CDH6: variants seen among roughly 807,000 people sequenced by gnomAD.
CDH6 encodes the protein cadherin-6.
A neutral mutation model predicts 78.0 loss-of-function variants in CDH6; 31 were observed. The observed-to-expected ratio is 0.40, with a 90% confidence interval of 0.30 to 0.54. The LOEUF (loss-of-function observed/expected upper bound fraction) is 0.54. Ranked by LOEUF, CDH6 falls within the 20% of genes least tolerant of loss-of-function variation. CDH6 has a pLI of 0.56. For missense variants in CDH6, 724 were observed against 975.9 expected, an observed-to-expected ratio of 0.74 and a Z score of 3.44; for synonymous variants, 376 against 368.8, an observed-to-expected ratio of 1.02 and a Z score of -0.23.
chr5:31,273,305 G>A (rs1742583868), intron 2 of CDH6, among the ~76,000 whole-genome samples: 1 of 152,122 alleles, frequency 6.6e-6, no homozygotes, highest in Admixed American at 6.6e-5. Flanking sequence ...TTCCATGCGT[G>A]ATTCAGCGAG....
intron 2 of CDH6, among the ~76,000 whole-genome samples, chr5:31,272,801 A>T (rs58520378): frequency 6.6e-6 from 1 of 152,018 alleles, no homozygotes; most frequent in Non-Finnish European, 1.5e-5. Context: ...CATGCCAGGA[A>T]ATCTGTTTTT....
At chr5:31,214,913 GT>G (rs1244089438) in intron 1 of CDH6, among the ~76,000 whole-genome samples, 1 of 152,090 alleles carries the variant, frequency 6.6e-6, no homozygotes, top group South Asian at 2.1e-4. Context: ...CGATTTTACT[GT>G]TTTTTTATCT....
chr5:31,249,486 G>C (rs1360023009), intron 1 of CDH6: 1 of 152,346 alleles, frequency 6.6e-6, no homozygotes, highest in African/African-American at 2.4e-5. Context: ...TACAAGGAGA[G>C]TTTCCCCATG....
intron 1 of CDH6, among the ~76,000 whole-genome samples, chr5:31,259,245 G>T (rs1029691013): frequency 6.6e-6 from 1 of 152,164 alleles, no homozygotes; most frequent in Non-Finnish European, 1.5e-5. Flanking sequence ...CTTTATGCAA[G>T]TATTAGCCTC....
At chr5:31,318,199 T>A in intron 11 of CDH6, 1 of 594,368 alleles carries the variant, frequency 1.7e-6, no homozygotes, top group African/African-American at 1.9e-5. Flanking sequence ...CTCGGGGGAT[T>A]TCAGGGCAAC....
At chr5:31,214,093 A>AG (rs1481440341) in intron 1 of CDH6, among the ~76,000 whole-genome samples, 9 of 145,704 alleles carry the variant, frequency 6.2e-5, no homozygotes, top group Non-Finnish European at 1.3e-4. Context: ...GATTTACCAG[A>AG]GGGGGCCTTG....
intron 1 of CDH6, among the ~76,000 whole-genome samples, chr5:31,248,120 C>T (rs2149922963): frequency 6.6e-6 from 1 of 152,252 alleles, no homozygotes; most frequent in East Asian, 1.9e-4. Flanking sequence ...TAAGCAATTA[C>T]ACTATCCACT....
chr5:31,282,780 T>C (rs887049794), intron 2 of CDH6, among the ~76,000 whole-genome samples: 1 of 152,230 alleles, frequency 6.6e-6, no homozygotes, highest in African/African-American at 2.4e-5. Flanking sequence ...AAATTTCTGC[T>C]GTGTTTAGGC....
chr5:31,269,532 T>A (rs1409261108), intron 2 of CDH6, among the ~76,000 whole-genome samples: 1 of 152,056 alleles, frequency 6.6e-6, no homozygotes, highest in Non-Finnish European at 1.5e-5. Context: ...CCTGGTGGAG[T>A]TGCAGTAAAG....
intron 1 of CDH6, among the ~76,000 whole-genome samples, chr5:31,210,098 G>GTGTGTGTGTGTT (rs925049656): frequency 2.6e-5 from 4 of 151,886 alleles, no homozygotes; most frequent in African/African-American, 9.7e-5. Context: ...GTGTGTGTGT[G>GTGTGTGTGTGTT]TGTGTGTGTG....
At chr5:31,195,815 A>C (rs532934446) in intron 1 of CDH6, among the ~76,000 whole-genome samples, 1 of 152,346 alleles carries the variant, frequency 6.6e-6, no homozygotes, top group South Asian at 2.1e-4. Flanking sequence ...TAAAAGACAG[A>C]TCTTTTCCCA....
At chr5:31,251,322 C>T (rs1312328677) in intron 1 of CDH6, 1 of 152,302 alleles carries the variant, frequency 6.6e-6, no homozygotes, top group Non-Finnish European at 1.5e-5. Context: ...CCTGAAGAAC[C>T]AAAGCATTTT....
chr5:31,220,758 T>A (rs72749645), intron 1 of CDH6, among the ~76,000 whole-genome samples: 10,298 of 152,212 alleles, frequency 0.068, 473 homozygotes, highest in South Asian at 0.22. Context: ...AACAGTGATA[T>A]TTTATCCCCC....
chr5:31,214,665 A>G (rs1408963972), intron 1 of CDH6, among the ~76,000 whole-genome samples: 1 of 152,206 alleles, frequency 6.6e-6, no homozygotes, highest in African/African-American at 2.4e-5. Flanking sequence ...TTATTTACTG[A>G]TTGCAGATAA....
Position 31,305,291 on chromosome 5 carries a change from G to T in CDH6, c.1117G>T (p.Val373Leu), listed in dbSNP as rs1737954518. Residue 373 changes from valine (V) to leucine (L), a missense_variant, in exon 7 of 12, where the codon GTG becomes TTG. By Grantham distance (32) the Val-to-Leu change is conservative. This residue lies in a region of CDH6 where 446 missense variants were observed against 684.5 expected (regional missense o/e 0.65). Transcript: ENST00000265071. ...CAAAGATTCAGCCACGGTTAGAATT[G>T]TGGTGGAGGATGTAGATGAGCCACC... ...PFKDSATVRIVVEDVDEPPVF... is the reference protein window; with the variant it reads ...PFKDSATVRILVEDVDEPPVF... 6.2e-7 allele frequency: 1 copy of T among 1,614,154 alleles called. No individual in the cohort carries two copies. Among genetic ancestry groups the T allele is most frequent in the Non-Finnish European group, 8.5e-7 (1 of 1,180,030 alleles).
At chr5:31,252,858 A>T (rs941959215) in intron 1 of CDH6, among the ~76,000 whole-genome samples, 9 of 152,100 alleles carry the variant, frequency 5.9e-5, no homozygotes, top group Non-Finnish European at 1.0e-4. Flanking sequence ...TACATGTGCT[A>T]GTCTCATATG....
intron 1 of CDH6, among the ~76,000 whole-genome samples, chr5:31,195,843 T>C (rs774749153): frequency 3.7e-4 from 56 of 152,326 alleles, no homozygotes; most frequent in South Asian, 8.3e-4. Flanking sequence ...TAATGGTTCA[T>C]GCCATACTTT....
intron 9 of CDH6, 71 bp from the exon 10 acceptor site, chr5:31,317,304 T>G: frequency 1.3e-6 from 1 of 760,636 alleles, no homozygotes; most frequent in Non-Finnish European, 2.3e-6. Context: ...GTCAAGCAAT[T>G]TATTGCAAAA....
intron 1 of CDH6, among the ~76,000 whole-genome samples, chr5:31,245,294 A>C (rs111754117): frequency 1.1e-3 from 172 of 152,372 alleles, no homozygotes; most frequent in African/African-American, 3.7e-3. Context: ...TTCAACAGGC[A>C]GCGGGAGATC....
Sources: allele counts gnomAD v4.1 joint callset (sites outside exome capture counted in the v4.1 genomes callset), GRCh38; gene constraint gnomAD v4.1.1; regional missense constraint gnomAD v4.1.1; transcripts MANE v1.5; gene names NCBI Gene and HGNC (gene_info 2026-07-23, HGNC 2026-07-21).